SAMD3: variants seen among roughly 807,000 people sequenced by gnomAD.
The protein encoded by SAMD3 is sterile alpha motif domain containing 3, also known as sterile alpha motif domain-containing protein 3.
In SAMD3, 63 loss-of-function variants were observed where a neutral mutation model predicts 58.5. The observed-to-expected ratio is 1.08, with a 90% CI of 0.88 to 1.33. The LOEUF (loss-of-function observed/expected upper bound fraction) is 1.33, where lower values mean the gene tolerates loss of function less well. Among genes scored for constraint, SAMD3 ranks in the 40% most tolerant of loss-of-function variants. The pLI, the probability that SAMD3 is intolerant of heterozygous loss-of-function variation, is 0.00. For synonymous variants in SAMD3, 220 were observed against 210.3 expected (o/e 1.05, Z -0.40); for missense variants, 604 against 608.4 (o/e 0.99, Z 0.08).
chr6:130,221,942 C>T (rs904970245), intron 1 of SAMD3, among the ~76,000 whole-genome samples: 1 of 152,088 alleles, frequency 6.6e-6, no homozygotes, highest in African/African-American at 2.4e-5. Context: ...TAATTAAATA[C>T]CATCTTCATT....
chr6:130,343,589 G>C (rs1777340782), intron 1 of SAMD3, among the ~76,000 whole-genome samples: 1 of 152,148 alleles, frequency 6.6e-6, no homozygotes, highest in Admixed American at 6.5e-5. Context: ...GGGTGAGTTA[G>C]GGGCTGGGTG....
intron 5 of SAMD3, among the ~76,000 whole-genome samples, chr6:130,201,056 C>T (rs1454487408): frequency 6.6e-6 from 1 of 152,146 alleles, no homozygotes; most frequent in Non-Finnish European, 1.5e-5. Context: ...AACAGGCCCA[C>T]CATGTCCTGT....
chr6:130,179,627 G>A (rs560035884), intron 7 of SAMD3, among the ~76,000 whole-genome samples: 1,616 of 148,854 alleles, frequency 0.011, 27 homozygotes, highest in African/African-American at 0.038. Context: ...AAAAATTAAA[G>A]AGACATAATA....
intron 2 of SAMD3, among the ~76,000 whole-genome samples, chr6:130,241,634 C>A (rs917536014): frequency 6.6e-6 from 1 of 151,796 alleles, no homozygotes; most frequent in Non-Finnish European, 1.5e-5. Flanking sequence ...AGAAAATATT[C>A]TTTATATTAA....
At chr6:130,286,447 C>A (rs1267537597) in intron 2 of SAMD3, among the ~76,000 whole-genome samples, 1 of 152,130 alleles carries the variant, frequency 6.6e-6, no homozygotes, top group Non-Finnish European at 1.5e-5. Flanking sequence ...CGGCACAGTT[C>A]CTTTCTTTTG....
At chr6:130,208,044 A>G (rs753018665) in intron 5 of SAMD3, among the ~76,000 whole-genome samples, 1 of 152,216 alleles carries the variant, frequency 6.6e-6, no homozygotes, top group Admixed American at 6.5e-5. Flanking sequence ...ACAACAGTCC[A>G]CTTGGAAAAA....
upstream of SAMD3, among the ~76,000 whole-genome samples, chr6:130,223,883 T>G (rs1459343893): frequency 6.6e-6 from 1 of 152,198 alleles, no homozygotes; most frequent in Admixed American, 6.5e-5. Flanking sequence ...TGGCTTGTGT[T>G]AATCAGCTCA....
At chr6:130,314,833 T>C (rs982235424) in intron 1 of SAMD3, among the ~76,000 whole-genome samples, 7 of 152,176 alleles carry the variant, frequency 4.6e-5, no homozygotes, top group Non-Finnish European at 1.0e-4. Flanking sequence ...GGCATTGGAC[T>C]TCTTTTGAGT....
chr6:130,224,320 T>A (rs1796324195), upstream of SAMD3, among the ~76,000 whole-genome samples: 1 of 151,956 alleles, frequency 6.6e-6, no homozygotes, highest in Non-Finnish European at 1.5e-5. Context: ...CATTTGGGCG[T>A]GAAAACAGGA....
chr6:130,198,262 G>C (rs375152305), intron 5 of SAMD3, among the ~76,000 whole-genome samples: 1 of 152,098 alleles, frequency 6.6e-6, no homozygotes, highest in Non-Finnish European at 1.5e-5. Flanking sequence ...GGAGTGAAGT[G>C]GCACAATGAT....
At chr6:130,210,561 T>C (rs1340138857) in intron 4 of SAMD3, among the ~76,000 whole-genome samples, 2 of 149,668 alleles carry the variant, frequency 1.3e-5, no homozygotes, top group Non-Finnish European at 3.0e-5. Flanking sequence ...ATCATGCCAT[T>C]GCACTCCAGC....
chr6:130,246,870 C>G (rs1773564389), intron 2 of SAMD3, among the ~76,000 whole-genome samples: 1 of 151,998 alleles, frequency 6.6e-6, no homozygotes, highest in Non-Finnish European at 1.5e-5. Context: ...GCCTGGGTAA[C>G]AGAACGAGAC....
chr6:130,213,379 G>T (rs976909427), intron 4 of SAMD3, among the ~76,000 whole-genome samples: 8 of 151,458 alleles, frequency 5.3e-5, no homozygotes, highest in Admixed American at 2.0e-4. Context: ...TCCCTTCAAG[G>T]CTACCTATTC....
At chr6:130,267,456 G>A (rs1774401286) in intron 2 of SAMD3, among the ~76,000 whole-genome samples, 1 of 152,184 alleles carries the variant, frequency 6.6e-6, no homozygotes. Context: ...GTGAAAATAA[G>A]AGTGAGAACT....
chr6:130,229,336 G>A (rs966890760), intron 2 of SAMD3, among the ~76,000 whole-genome samples: 4 of 152,118 alleles, frequency 2.6e-5, no homozygotes, highest in African/African-American at 9.7e-5. Flanking sequence ...CCTTAGCAGC[G>A]CCCATGTCGT....
chr6:130,171,948 T>G (rs773686151), intron 8 of SAMD3, among the ~76,000 whole-genome samples: 1 of 152,244 alleles, frequency 6.6e-6, no homozygotes, highest in Non-Finnish European at 1.5e-5. Flanking sequence ...CATTGATCCC[T>G]TTACCATTAT....
At chr6:130,353,114 T>A (rs1264243165) in intron 1 of SAMD3, among the ~76,000 whole-genome samples, 3 of 152,236 alleles carry the variant, frequency 2.0e-5, no homozygotes, top group African/African-American at 7.2e-5. Flanking sequence ...CACTCTGTTC[T>A]GCATCTAGTC....
At chr6:130,158,484 GA>G (rs936115144) in intron 8 of SAMD3, among the ~76,000 whole-genome samples, 37 of 146,814 alleles carry the variant, frequency 2.5e-4, no homozygotes, top group South Asian at 4.3e-4. Context: ...TATCCATAAG[GA>G]AAAAAAAAAT....
At chr6:130,364,787 T>TA (rs1228418592) in intron 1 of SAMD3, among the ~76,000 whole-genome samples, 3 of 152,114 alleles carry the variant, frequency 2.0e-5, no homozygotes, top group Non-Finnish European at 2.9e-5. Context: ...AAGAAGGTTA[T>TA]ACCACAGGAA....
Sources: gnomAD v4.1 joint callset for allele counts (sites outside exome capture counted in the v4.1 genomes callset) on GRCh38, gnomAD v4.1.1 for gene constraint, MANE v1.5 for transcripts, NCBI Gene and HGNC (gene_info 2026-07-23, HGNC 2026-07-21) for gene names.